LSAMP: variants seen among roughly 807,000 people sequenced by gnomAD.
LSAMP encodes the protein limbic system-associated membrane protein.
A neutral mutation model predicts 38.6 loss-of-function variants in LSAMP; 7 were observed. The ratio of observed to expected loss-of-function variants is 0.18; its 90% CI spans 0.10 to 0.34. LSAMP has a LOEUF of 0.34. Ranked by LOEUF, LSAMP falls within the 10% of genes least tolerant of loss-of-function variation. The probability of loss-of-function intolerance (pLI) is 1.00; values close to 1 mark genes in which losing one functional copy is unlikely to be tolerated. For missense variants in LSAMP, 313 were observed against 420.0 expected (o/e 0.75, Z 2.23); for synonymous variants, 154 against 166.8 (o/e 0.92, Z 0.59).
chr3:116,339,198 A>T (rs2047960936), intron 1 of LSAMP, among the ~76,000 whole-genome samples: 1 of 151,972 alleles, frequency 6.6e-6, no homozygotes, highest in Non-Finnish European at 1.5e-5. Flanking sequence ...GTGTAAGTAA[A>T]ACTTGGTGCG....
chr3:116,237,364 TC>T (rs2046478886), intron 1 of LSAMP, among the ~76,000 whole-genome samples: 1 of 152,166 alleles, frequency 6.6e-6, no homozygotes, highest in Non-Finnish European at 1.5e-5. Context: ...TATCCTTTTT[TC>T]TTCCTTTCTT....
At chr3:115,886,223 C>A (rs770959578) in intron 3 of LSAMP, among the ~76,000 whole-genome samples, 2 of 151,950 alleles carry the variant, frequency 1.3e-5, no homozygotes, top group Non-Finnish European at 2.9e-5. Context: ...TACAGACAGA[C>A]TCAGAAAAAA....
chr3:116,011,309 G>A (rs1206222063), intron 3 of LSAMP, among the ~76,000 whole-genome samples: 1 of 152,186 alleles, frequency 6.6e-6, no homozygotes, highest in East Asian at 1.9e-4. Context: ...CCTGGAGGAA[G>A]TGTCATCTTG....
intron 3 of LSAMP, among the ~76,000 whole-genome samples, chr3:115,977,003 A>G (rs899676809): frequency 3.3e-5 from 5 of 152,214 alleles, no homozygotes; most frequent in Admixed American, 3.3e-4. Flanking sequence ...CTTTTAGGAC[A>G]GAACAACTGG....
At position 115,841,932 on chromosome 3, in the gene LSAMP, T is replaced by A. The variant is rs1420270998; in HGVS notation, c.832A>T (p.Thr278Ser). 1.9e-6 allele frequency: 3 copies of A among 1,613,904 alleles called. No homozygotes were observed. The South Asian group carries it at 3.3e-5, about 18-fold the overall frequency. Residue 278 changes from threonine to serine, a missense_variant, in exon 6 of 7, where the codon ACC (threonine) becomes TCC (serine). Thr to Ser is a moderately conservative substitution (Grantham distance 58). Transcript: ENST00000490035. ...CCGTAGTGCTCCTCAGTGACGTTGG[T>A]CACCGTCAGGGAAGACTGGCCCTCC... ...STEGQSSLTV[T>S]NVTEEHYGNY...
In LSAMP at chr3:115,804,539, G is replaced by C. The variant is rs1322314632; in HGVS notation, c.*5778C>G. The stretch of plus-strand genomic sequence containing the variant: ...AAGCAGTACCAAGAAGACACTTGGG[G>C]GTTGATACAACAGGCACATGAGCCC... On this transcript the variant is annotated 3_prime_UTR_variant, in exon 7 of 7. Coordinates refer to ENST00000490035, the MANE Select transcript of LSAMP (RefSeq NM_002338.5). 1.3e-5 allele frequency: 2 copies of C among 152,090 alleles called. No individual in the cohort carries two copies. The highest frequency in any genetic ancestry group is 3.9e-4 in the East Asian group (2 of 5,194). 9.4% of individuals were successfully genotyped at this position (152,090 alleles called of 1,614,324 possible). A position where few individuals can be genotyped will look rare whatever the true frequency, so the allele number is the denominator to read the frequency against.
chr3:116,441,059 G>A (rs942615617), intron 1 of LSAMP, among the ~76,000 whole-genome samples: 4 of 152,100 alleles, frequency 2.6e-5, no homozygotes, highest in Non-Finnish European at 4.4e-5. Flanking sequence ...CCCCCTTGGT[G>A]TAGAAACAAA....
chr3:116,237,289 C>T (rs1409457288), intron 1 of LSAMP, among the ~76,000 whole-genome samples: 1 of 152,112 alleles, frequency 6.6e-6, no homozygotes, highest in African/African-American at 2.4e-5. Context: ...GTAATATGTG[C>T]AACTCTTTGT....
rs555387207 is a variant in LSAMP, at chr3:115,825,059, C to A, written c.920-14645G>T. ...CTTTAATCTACGTAATATGCCTTTTCATTTTGTATGTTTTAAAATCAAAAC... is the reference window on the plus strand; with the variant it reads ...CTTTAATCTACGTAATATGCCTTTTAATTTTGTATGTTTTAAAATCAAAAC... On this transcript the variant is annotated intron_variant, in intron 6 of 6. Coordinates refer to ENST00000490035, the MANE Select transcript of LSAMP (RefSeq NM_002338.5). Among the ~76,000 whole-genome samples, 9 of 152,252 alleles carry A rather than the reference C, an allele frequency of 5.9e-5. No individual in the cohort carries two copies. The South Asian group carries it at 1.9e-3, about 32-fold the overall frequency.
chr3:116,329,863 G>A (rs912157443), intron 1 of LSAMP, among the ~76,000 whole-genome samples: 1 of 151,886 alleles, frequency 6.6e-6, no homozygotes, highest in Non-Finnish European at 1.5e-5. Context: ...AAAAAAGCTA[G>A]TTAACTAATA....
intron 1 of LSAMP, among the ~76,000 whole-genome samples, chr3:116,434,614 C>T (rs1031041763): frequency 2.0e-5 from 3 of 152,202 alleles, no homozygotes; most frequent in South Asian, 2.1e-4. Context: ...AGTGCAGTGG[C>T]GCGATCTCGG....
chr3:116,316,777 A>AG (rs975584973), intron 1 of LSAMP, among the ~76,000 whole-genome samples: 7 of 114,688 alleles, frequency 6.1e-5, no homozygotes, highest in Non-Finnish European at 1.1e-4. Flanking sequence ...TCTCAAAAAA[A>AG]GAAAAAAAAA....
intron 6 of LSAMP, among the ~76,000 whole-genome samples, chr3:115,824,595 G>A (rs141304661): frequency 5.0e-4 from 76 of 151,882 alleles, no homozygotes; most frequent in Middle Eastern, 3.4e-3. Flanking sequence ...CCAGCTACTC[G>A]GGAGGCTGAG....
intron 2 of LSAMP, among the ~76,000 whole-genome samples, chr3:116,052,957 CT>C (rs1941423107): frequency 6.6e-6 from 1 of 152,126 alleles, no homozygotes; most frequent in Admixed American, 6.6e-5. Flanking sequence ...GAAATAAAAT[CT>C]GGGTAAAATG....
intron 1 of LSAMP, among the ~76,000 whole-genome samples, chr3:116,293,142 A>G (rs1303126716): frequency 6.6e-6 from 1 of 152,058 alleles, no homozygotes; most frequent in African/African-American, 2.4e-5. Context: ...TCTCTTTTGG[A>G]TGTCCAATGT....
intron 3 of LSAMP, among the ~76,000 whole-genome samples, chr3:115,941,606 T>C (rs527342489): frequency 2.6e-5 from 4 of 152,058 alleles, no homozygotes; most frequent in Admixed American, 2.6e-4. Flanking sequence ...CAATAGAATA[T>C]TATTCAGCTA....
chr3:116,430,518 G>C (rs899327530), intron 1 of LSAMP, among the ~76,000 whole-genome samples: 16 of 151,956 alleles, frequency 1.1e-4, no homozygotes, highest in African/African-American at 3.6e-4. Flanking sequence ...TACTAAAATA[G>C]ATGAAAATGT....
intron 1 of LSAMP, among the ~76,000 whole-genome samples, chr3:116,206,628 A>G (rs2046073279): frequency 6.6e-6 from 1 of 150,416 alleles, no homozygotes; most frequent in Non-Finnish European, 1.5e-5. Context: ...GGTTTCAAAG[A>G]ACATCTTTAT....
chr3:116,009,136 C>T (rs78863587), intron 3 of LSAMP, among the ~76,000 whole-genome samples: 2,129 of 152,248 alleles, frequency 0.014, 47 homozygotes, highest in African/African-American at 0.048. Context: ...TAATAATATT[C>T]GGTGAGTACT....
Sources: allele counts gnomAD v4.1 joint callset (sites outside exome capture counted in the v4.1 genomes callset), GRCh38; gene constraint gnomAD v4.1.1; transcripts MANE v1.5; gene names NCBI Gene and HGNC (gene_info 2026-07-23, HGNC 2026-07-21).